LARP4: variants seen among roughly 807,000 people sequenced by gnomAD.
LARP4 encodes the protein La ribonucleoprotein 4, also known as la-related protein 4.
In LARP4, 29 loss-of-function variants were observed where a neutral mutation model predicts 92.9. The ratio of observed to expected loss-of-function variants is 0.31; its 90% CI spans 0.23 to 0.43. LARP4 has a LOEUF of 0.43. Among genes scored for constraint, LARP4 ranks in the 20% least tolerant of loss-of-function variants. The pLI is 1.00. For synonymous variants in LARP4, 279 were observed against 284.1 expected (o/e 0.98, Z 0.18); for missense variants, 732 against 860.0 (o/e 0.85, Z 1.86).
At chr12:50,472,569 A>C (rs1419403673) in intron 13 of LARP4, among the ~76,000 whole-genome samples, 2 of 150,270 alleles carry the variant, frequency 1.3e-5, no homozygotes, top group Admixed American at 1.3e-4. Context: ...CCCAGGAGGG[A>C]GTGCCGTGGT....
At chr12:50,423,416 A>G (rs1394861965) in intron 1 of LARP4, among the ~76,000 whole-genome samples, 3 of 152,148 alleles carry the variant, frequency 2.0e-5, no homozygotes, top group Non-Finnish European at 4.4e-5. Flanking sequence ...ATTGCCTTCC[A>G]TTCAAAACTG....
intron 1 of LARP4, among the ~76,000 whole-genome samples, chr12:50,411,465 TC>T (rs1945881499): frequency 6.6e-6 from 1 of 151,890 alleles, no homozygotes; most frequent in African/African-American, 2.4e-5. Flanking sequence ...TTTTCATGCC[TC>T]CCGAGTAGCT....
At chr12:50,421,643 AAAATAAATAAATAAATAAAT>A (rs144012967) in intron 1 of LARP4, among the ~76,000 whole-genome samples, 104,672 of 147,920 alleles carry the variant, frequency 0.71, 43,357 homozygotes, top group Non-Finnish European at 0.93. Flanking sequence ...ACTTCATCAC[AAAATAAATAAATAAATAAAT>A]AAATAAATAA....
At position 50,474,008 on chromosome 12, in the gene LARP4, G is replaced by C. The variant is rs1957262891; in HGVS notation, c.1677G>C (p.Gln559His). Residue 559 changes from glutamine to histidine, a missense_variant, in exon 15 of 16, where the codon CAG (glutamine) becomes CAC (histidine). Gln to His is a conservative substitution (Grantham distance 24, BLOSUM62 0). Transcript: ENST00000398473. The part of the protein sequence containing the change: ...AAELTALSTT[Q>H]QEKDLIEDSS... ...GCTCTTTTTTCCTTAGCACAACTCAGCAAGAAAAGGATCTAATAGAAGATT... is the reference window on the plus strand; with the variant it reads ...GCTCTTTTTTCCTTAGCACAACTCACCAAGAAAAGGATCTAATAGAAGATT... The C allele has an allele frequency of 1.9e-6, 3 of 1,611,282 alleles. No individual in the cohort carries two copies. In the Admixed American group the frequency reaches 5.0e-5, roughly 27 times the overall value.
In LARP4 at chr12:50,475,981, C is replaced by G. The variant is rs756902135; in HGVS notation, c.*117C>G. On this transcript the variant is annotated 3_prime_UTR_variant, in exon 16 of 16. Coordinates refer to ENST00000398473, the MANE Select transcript of LARP4 (RefSeq NM_052879.5). ...AGGAAGGAAACAAGAGAAAGTACGT[C>G]CATTTCATTATGGATTTTGGAGTTG... 6.1e-6 allele frequency: 5 copies of G among 820,358 alleles called. No homozygotes were observed. Among genetic ancestry groups the G allele is most frequent in the Non-Finnish European group, 9.4e-6 (5 of 531,892 alleles). 50.8% of individuals were successfully genotyped at this position (820,358 alleles called of 1,614,324 possible). A position where few individuals can be genotyped will look rare whatever the true frequency, so the allele number is the denominator to read the frequency against.
intron 1 of LARP4, among the ~76,000 whole-genome samples, chr12:50,406,122 G>C (rs1430852891): frequency 1.3e-5 from 2 of 152,076 alleles, no homozygotes; most frequent in Admixed American, 1.3e-4. Flanking sequence ...ACTTACTTAG[G>C]TAGCAGTTAA....
rs192964830 is a variant in LARP4, at chr12:50,426,108, G to A, written c.19-1654G>A. Among the ~76,000 whole-genome samples, 16 of 152,230 alleles carry A rather than the reference G, an allele frequency of 1.1e-4. No individual in the cohort carries two copies. The East Asian group carries it at 2.3e-3, about 22-fold the overall frequency. Reference sequence around the variant, plus strand: ...AGGAGGAGGACAGGAAGTGTTGAATGTCAGGATCAAATGTCAGGATCCCCC... The same window carrying A: ...AGGAGGAGGACAGGAAGTGTTGAATATCAGGATCAAATGTCAGGATCCCCC... On this transcript the variant is annotated intron_variant, in intron 1 of 15. Transcript: ENST00000398473.
chr12:50,420,545 G>A (rs1008818871), intron 1 of LARP4, among the ~76,000 whole-genome samples: 3 of 152,116 alleles, frequency 2.0e-5, no homozygotes, highest in East Asian at 1.9e-4. Flanking sequence ...TTTAATGATC[G>A]TAAAACCTCA....
At chr12:50,412,663 G>C (rs1946104845) in intron 1 of LARP4, among the ~76,000 whole-genome samples, 1 of 152,056 alleles carries the variant, frequency 6.6e-6, no homozygotes, top group Non-Finnish European at 1.5e-5. Context: ...ACAATAATCA[G>C]GACTGCCTTT....
At chr12:50,442,294 A>G (rs1208212963) in intron 8 of LARP4, among the ~76,000 whole-genome samples, 1 of 152,244 alleles carries the variant, frequency 6.6e-6, no homozygotes, top group Non-Finnish European at 1.5e-5. Flanking sequence ...ATCTCAATTA[A>G]CTGCATCACT....
At chr12:50,457,988 C>T (rs1218383816) in intron 10 of LARP4, among the ~76,000 whole-genome samples, 2 of 149,832 alleles carry the variant, frequency 1.3e-5, no homozygotes, top group Admixed American at 6.7e-5. Flanking sequence ...GGCTGTAGTG[C>T]AGTAACATGA....
chr12:50,424,990 C>G lies in LARP4; in HGVS notation c.19-2772C>G, dbSNP rs1273970972. 2.0e-5 allele frequency among the ~76,000 whole-genome samples: 3 copies of G among 151,964 alleles called. No homozygotes were observed. The East Asian group carries it at 5.9e-4, about 30-fold the overall frequency. The stretch of plus-strand genomic sequence containing the variant: ...GGTGAAACCCTGTCTCTACTAAAAA[C>G]ACAAAAATTTGCCCAACGTGGTGCC... On this transcript the variant is annotated intron_variant, in intron 1 of 15. Coordinates refer to ENST00000398473, the MANE Select transcript of LARP4 (RefSeq NM_052879.5).
At position 50,478,948 on chromosome 12, in the gene LARP4, T is replaced by C. The variant is rs779358964; in HGVS notation, c.*3084T>C. The C allele has an allele frequency of 6.6e-6, 1 of 152,260 alleles. No homozygotes were observed. Among genetic ancestry groups the C allele is most frequent in the Admixed American group, 6.5e-5 (1 of 15,286 alleles). The allele number at this position is 152,260 out of a possible 1,614,324, so 9.4% of individuals were successfully genotyped here. ...GATGATCAGATGCTGTGCAGAATTC[T>C]GATTTATTTTTGTTTCCTAAAATTA... On this transcript the variant is annotated 3_prime_UTR_variant, in exon 16 of 16. Transcript: ENST00000398473.
At chr12:50,406,001 TACAGA>T (rs974365171) in intron 1 of LARP4, among the ~76,000 whole-genome samples, 3 of 152,208 alleles carry the variant, frequency 2.0e-5, no homozygotes, top group African/African-American at 7.2e-5. Context: ...ACATTGTCAG[TACAGA>T]TGCAATGATT....
At position 50,453,627 on chromosome 12, in the gene LARP4, T is replaced by A. The variant is rs1205426502; in HGVS notation, c.972T>A (p.Pro324=). ...HQQYSVYSIV[P]QSWSPNPTPY... ...AGTACTCGGTCTATAGTATTGTGCCTCAGTCTTGGTCTCCAAATCCTACAC... is the reference window on the plus strand; with the variant it reads ...AGTACTCGGTCTATAGTATTGTGCCACAGTCTTGGTCTCCAAATCCTACAC... Residue 324 remains proline, a synonymous_variant, in exon 9 of 16, where the codon CCT becomes CCA. Coordinates refer to ENST00000398473, the MANE Select transcript of LARP4 (RefSeq NM_052879.5). 1.6e-5 allele frequency: 25 copies of A among 1,612,096 alleles called. No individual in the cohort carries two copies. The highest frequency in any genetic ancestry group is 2.1e-5 in the Non-Finnish European group (25 of 1,178,776).
chr12:50,462,859 A>G (rs576059219), intron 12 of LARP4, among the ~76,000 whole-genome samples: 1 of 152,310 alleles, frequency 6.6e-6, no homozygotes, highest in South Asian at 2.1e-4. Flanking sequence ...TAAAAAAATT[A>G]TTTGAAGATC....
At chr12:50,453,392 T>C in intron 8 of LARP4, 68 bp from the exon 9 acceptor site, 1 of 907,296 alleles carries the variant, frequency 1.1e-6, no homozygotes, top group South Asian at 1.6e-5. Flanking sequence ...TATGTTAAAA[T>C]GTAAATTAAA....
At position 50,436,356 on chromosome 12, in the gene LARP4, T is replaced by G. The variant is rs76384076; in HGVS notation, c.535+732T>G. Among the ~76,000 whole-genome samples, 1,484 of 152,198 alleles carry G rather than the reference T, an allele frequency of 9.8e-3. 29 individuals carry two copies. The highest frequency in any genetic ancestry group is 0.034 in the African/African-American group (1,419 of 41,510). ...GTAATAATTCTGCACCTTGGTTGTT[T>G]ATCATCATGCCCACTTAAGAAGTAT... On this transcript the variant is annotated intron_variant, in intron 5 of 15. Transcript: ENST00000398473.
chr12:50,450,894 C>T (rs571316041), intron 8 of LARP4, among the ~76,000 whole-genome samples: 14 of 152,110 alleles, frequency 9.2e-5, no homozygotes, highest in African/African-American at 3.1e-4. Flanking sequence ...TTCTTTTTTA[C>T]GTTTATGATA....
Sources: allele counts gnomAD v4.1 joint callset (sites outside exome capture counted in the v4.1 genomes callset), GRCh38; gene constraint gnomAD v4.1.1; transcripts MANE v1.5; gene names NCBI Gene and HGNC (gene_info 2026-07-23, HGNC 2026-07-21).